HLTF: variants seen among roughly 807,000 people sequenced by gnomAD.
HLTF encodes the protein helicase like transcription factor, also known as DNA-dependent ATPase/E3 ubiquitin-protein ligase HLTF.
Under a neutral mutation model 129.4 loss-of-function variants are expected in HLTF, and 127 were observed. The observed-to-expected ratio is 0.98, with a 90% CI of 0.85 to 1.14. The LOEUF is 1.14. Among genes scored for constraint, HLTF ranks in the 50% most tolerant of loss-of-function variants. The pLI is 0.00. For synonymous variants in HLTF, 332 were observed against 388.8 expected (o/e 0.85, Z 1.72); for missense variants, 1,139 against 1,187.1 (o/e 0.96, Z 0.60).
chr3:149,078,917 G>T (rs570494079), intron 2 of HLTF, among the ~76,000 whole-genome samples: 7 of 151,170 alleles, frequency 4.6e-5, no homozygotes, highest in Admixed American at 1.3e-4. Flanking sequence ...ACATGAAAAC[G>T]CATGTCTAAA....
rs1714905752 is a variant in HLTF at position 149,030,426 on chromosome 3, G to A, written c.*1794C>T. On this transcript the variant is annotated 3_prime_UTR_variant, in exon 25 of 25. Coordinates refer to ENST00000310053, the MANE Select transcript of HLTF (RefSeq NM_003071.4). ...TAAACAACTTGCCAAACTTACTTAT[G>A]AGTGTGTTTTAAAAACAACTTTGTA... 1.3e-5 allele frequency: 2 copies of A among 151,830 alleles called. No homozygotes were observed. The highest frequency in any genetic ancestry group is 4.8e-5 in the African/African-American group (2 of 41,294). 9.4% of individuals were successfully genotyped at this position (151,830 alleles called of 1,614,324 possible).
intron 2 of HLTF, among the ~76,000 whole-genome samples, chr3:149,081,743 C>T (rs1011890193): frequency 1.3e-5 from 2 of 152,018 alleles, no homozygotes; most frequent in Non-Finnish European, 2.9e-5. Context: ...GTAAAGGGTA[C>T]TGAAATTTAA....
chr3:149,066,021 C>G (rs537390506), intron 8 of HLTF, among the ~76,000 whole-genome samples: 3 of 151,806 alleles, frequency 2.0e-5, no homozygotes, highest in Non-Finnish European at 4.4e-5. Context: ...TTTATTCAAA[C>G]ATAAAGGATG....
rs1310293802 is a variant in HLTF, at chr3:149,030,521, TA to T, written c.*1698del. ...GTGAGTTTGTAAGGCTTTGTCTTTG[TA>T]AGCAGAAAGAGTAGACTGTGTTGTT... On this transcript the variant is annotated 3_prime_UTR_variant, in exon 25 of 25. Transcript: ENST00000310053. The T allele has an allele frequency of 2.6e-5, 4 of 152,224 alleles. No homozygotes were observed. Among genetic ancestry groups the T allele is most frequent in the African/African-American group, 9.6e-5 (4 of 41,460 alleles). The allele number at this position is 152,224 out of a possible 1,614,324, so 9.4% of individuals were successfully genotyped here.
At chr3:149,046,550 A>G (rs553095527) in intron 17 of HLTF, among the ~76,000 whole-genome samples, 2 of 152,176 alleles carry the variant, frequency 1.3e-5, no homozygotes, top group Admixed American at 1.3e-4. Flanking sequence ...TGTTCCAATC[A>G]CTAACTCTTT....
chr3:149,054,062 A>G (rs1190027950), intron 14 of HLTF, among the ~76,000 whole-genome samples: 1 of 152,170 alleles, frequency 6.6e-6, no homozygotes, highest in Non-Finnish European at 1.5e-5. Flanking sequence ...AAAAACTTAT[A>G]TAAAAAAAGA....
At chr3:149,072,435 T>C (rs998625785) in intron 5 of HLTF, among the ~76,000 whole-genome samples, 2 of 152,236 alleles carry the variant, frequency 1.3e-5, no homozygotes, top group Non-Finnish European at 2.9e-5. Flanking sequence ...CATTTATTAT[T>C]ACTGCAATAA....
chr3:149,042,774 A>G (rs1171075548), intron 18 of HLTF, among the ~76,000 whole-genome samples: 5 of 152,112 alleles, frequency 3.3e-5, no homozygotes, highest in African/African-American at 4.8e-5. Flanking sequence ...AAGCACCCCT[A>G]AAGTTTCTGA....
chr3:149,076,611 T>A (rs1719377178), intron 2 of HLTF, among the ~76,000 whole-genome samples: 1 of 152,228 alleles, frequency 6.6e-6, no homozygotes, highest in Non-Finnish European at 1.5e-5. Flanking sequence ...AAGGCATTTA[T>A]AAGTCAGGAT....
chr3:149,063,244 TAG>T (rs1202198320), intron 10 of HLTF, among the ~76,000 whole-genome samples, 185 bp downstream of exon 10: 1 of 152,110 alleles, frequency 6.6e-6, no homozygotes, highest in Non-Finnish European at 1.5e-5. Context: ...CTATTTTTAG[TAG>T]AGACGGGGTT....
chr3:149,033,609 AT>A (rs1345168193), intron 24 of HLTF, among the ~76,000 whole-genome samples: 1 of 152,068 alleles, frequency 6.6e-6, no homozygotes, highest in East Asian at 1.9e-4. Flanking sequence ...ATATATATAA[AT>A]TAGTTTATGA....
chr3:149,050,593 A>G (rs1716904026), intron 14 of HLTF, among the ~76,000 whole-genome samples: 1 of 152,236 alleles, frequency 6.6e-6, no homozygotes, highest in Admixed American at 6.5e-5. Context: ...GGCCCTACCA[A>G]TCAGCAACTG....
rs1351743988 is a variant in HLTF at position 149,030,140 on chromosome 3, T to C, written c.*2080A>G. The C allele has an allele frequency of 6.6e-6, 1 of 152,222 alleles. No individual in the cohort carries two copies. Among genetic ancestry groups the C allele is most frequent in the Non-Finnish European group, 1.5e-5 (1 of 68,036 alleles). 9.4% of individuals were successfully genotyped at this position (152,222 alleles called of 1,614,324 possible). ...AGGAAGGTAATAAACATTTGAAATT[T>C]TTATTGATTTTTAAATTTAAAATCC... On this transcript the variant is annotated 3_prime_UTR_variant, in exon 25 of 25. Coordinates refer to ENST00000310053, the MANE Select transcript of HLTF (RefSeq NM_003071.4).
rs766833541 is a variant in HLTF at position 149,039,206 on chromosome 3, C to G, written c.2639G>C (p.Arg880Pro). ...PLKASGFVFT[R>P]LDGSMAQKKR... Reference sequence around the variant, plus strand: ...CTTTTGGGCCATGGAACCATCCAAACGAGTAAACACAAATCCAGAGGCTCT... The same window carrying G: ...CTTTTGGGCCATGGAACCATCCAAAGGAGTAAACACAAATCCAGAGGCTCT... Residue 880 changes from arginine (R) to proline (P), a missense_variant, in exon 23 of 25, where the codon CGT (arginine) becomes CCT (proline). Physicochemically the swap from Arg to Pro is moderately radical, Grantham distance 103. Coordinates refer to ENST00000310053, the MANE Select transcript of HLTF (RefSeq NM_003071.4). 1.9e-6 allele frequency: 3 copies of G among 1,582,152 alleles called. No homozygotes were observed. Among genetic ancestry groups the G allele is most frequent in the Non-Finnish European group, 8.6e-7 (1 of 1,165,560 alleles).
At chr3:149,075,736 A>C (rs938894581) in intron 3 of HLTF, 145 bp downstream of exon 3, 3 of 465,056 alleles carry the variant, frequency 6.5e-6, no homozygotes, top group Non-Finnish European at 1.1e-5. Flanking sequence ...GTAAAAGGAG[A>C]AATAAAACAT....
At chr3:149,042,952 ATAAG>A (rs891477438) in intron 18 of HLTF, among the ~76,000 whole-genome samples, 17 of 152,226 alleles carry the variant, frequency 1.1e-4, no homozygotes, top group Middle Eastern at 3.4e-3. Context: ...ATATTCAAAT[ATAAG>A]TAATAATCAG....
rs577931611 is a variant in HLTF at position 149,073,559 on chromosome 3, T to C, written c.530-237A>G. On this transcript the variant is annotated intron_variant, in intron 4 of 24. Coordinates refer to ENST00000310053, the MANE Select transcript of HLTF (RefSeq NM_003071.4). ...AAATACAAAAATTAGCAGAGCGTGA[T>C]GGTGTGCGCCTGTAGTCCCAGCTAC... Among the ~76,000 whole-genome samples the C allele has an allele frequency of 4.5e-4, 68 of 152,128 alleles. No individual in the cohort carries two copies. The South Asian group carries it at 0.013, about 30-fold the overall frequency.
In HLTF at chr3:149,076,972, C is replaced by T. The variant is rs138498353; in HGVS notation, c.229-925G>A. 8.1e-3 allele frequency among the ~76,000 whole-genome samples: 1,231 copies of T among 152,148 alleles called. 6 individuals carry two copies. Among genetic ancestry groups the T allele is most frequent in the Middle Eastern group, 0.014 (4 of 294 alleles). On this transcript the variant is annotated intron_variant, in intron 2 of 24. Coordinates refer to ENST00000310053, the MANE Select transcript of HLTF (RefSeq NM_003071.4). ...TCCTGTAGCCTTTAAAAATAGCTCA[C>T]GGCCAGGCACAGTAGCTCACGCCCC...
intron 14 of HLTF, 118 bp downstream of exon 14, chr3:149,055,185 A>T: frequency 1.6e-6 from 1 of 623,288 alleles, no homozygotes; most frequent in East Asian, 2.9e-5. Context: ...ATTTGAACTT[A>T]GATACGAACT....
Sources: gnomAD v4.1 joint callset for allele counts (sites outside exome capture counted in the v4.1 genomes callset) on GRCh38, gnomAD v4.1.1 for gene constraint, MANE v1.5 for transcripts, NCBI Gene and HGNC (gene_info 2026-07-23, HGNC 2026-07-21) for gene names.